EPHA3: variants seen among roughly 807,000 people sequenced by gnomAD.
EPHA3 encodes EPH receptor A3, also known as ephrin type-A receptor 3.
In EPHA3, 42 loss-of-function variants were observed where a neutral mutation model predicts 107.1. That is an observed-to-expected ratio of 0.39 (90% confidence interval 0.31 to 0.51). The LOEUF is 0.51. EPHA3 is among the 20% of genes least tolerant of loss of function. The pLI, the probability that EPHA3 is intolerant of heterozygous loss-of-function variation, is 0.78. For synonymous variants in EPHA3, 461 were observed against 424.8 expected (o/e 1.09, Z -1.05); for missense variants, 1,183 against 1,211.2 (o/e 0.98, Z 0.35).
At chr3:89,370,664 TA>T (rs895235805) in intron 5 of EPHA3, among the ~76,000 whole-genome samples, 1 of 149,506 alleles carries the variant, frequency 6.7e-6, no homozygotes, top group Non-Finnish European at 1.5e-5. Flanking sequence ...TAATAATAAT[TA>T]AAAAAATAAC....
chr3:89,189,965 A>G (rs1473220186), intron 2 of EPHA3, among the ~76,000 whole-genome samples: 2 of 152,194 alleles, frequency 1.3e-5, no homozygotes, highest in African/African-American at 2.4e-5. Context: ...TGGAAGTATA[A>G]TTTCAACATG....
chr3:89,331,454 G>A (rs1234868915), intron 3 of EPHA3, among the ~76,000 whole-genome samples: 1 of 152,076 alleles, frequency 6.6e-6, no homozygotes, highest in Non-Finnish European at 1.5e-5. Context: ...AAAAATGTGT[G>A]AACATAGCAT....
intron 9 of EPHA3, among the ~76,000 whole-genome samples, chr3:89,412,696 C>A (rs1368821322): frequency 6.6e-6 from 1 of 151,678 alleles, no homozygotes; most frequent in Non-Finnish European, 1.5e-5. Flanking sequence ...ATTATCTCAC[C>A]TTATAATTGT....
At chr3:89,142,991 C>A (rs1476865650) in intron 2 of EPHA3, among the ~76,000 whole-genome samples, 1 of 150,882 alleles carries the variant, frequency 6.6e-6, no homozygotes, top group African/African-American at 2.4e-5. Context: ...AACCTTTTAG[C>A]TAATTATTAA....
At chr3:89,429,076 ATTATTAT>A in intron 11 of EPHA3, 23 bp from the exon 12 acceptor site, 2 of 1,458,306 alleles carry the variant, frequency 1.4e-6, no homozygotes, top group Non-Finnish European at 1.9e-6. Context: ...AACTGTACTG[ATTATTAT>A]TTATTATTTA....
intron 2 of EPHA3, among the ~76,000 whole-genome samples, chr3:89,137,888 A>G (rs1465470103): frequency 6.6e-6 from 1 of 152,022 alleles, no homozygotes; most frequent in African/African-American, 2.4e-5. Context: ...TTAAACTTGT[A>G]TACAGTAGTT....
At chr3:89,156,726 G>T (rs758078122) in intron 2 of EPHA3, among the ~76,000 whole-genome samples, 5 of 151,938 alleles carry the variant, frequency 3.3e-5, no homozygotes, top group Admixed American at 6.6e-5. Context: ...AAAGCTAAAA[G>T]ATGTTTTTAA....
At chr3:89,412,627 C>T (rs1314471235) in intron 9 of EPHA3, among the ~76,000 whole-genome samples, 3 of 151,558 alleles carry the variant, frequency 2.0e-5, no homozygotes, top group African/African-American at 7.3e-5. Flanking sequence ...TTAATATAAG[C>T]AGTACAGTGT....
At chr3:89,123,903 A>G (rs983142677) in intron 1 of EPHA3, among the ~76,000 whole-genome samples, 2 of 152,226 alleles carry the variant, frequency 1.3e-5, no homozygotes, top group South Asian at 2.1e-4. Flanking sequence ...TGGCAATCAC[A>G]TCATTAGAAT....
intron 5 of EPHA3, among the ~76,000 whole-genome samples, chr3:89,392,352 T>G (rs2107499988): frequency 6.6e-6 from 1 of 151,478 alleles, no homozygotes. Context: ...GGCAGTAGAG[T>G]CTCTTGAACC....
intron 2 of EPHA3, among the ~76,000 whole-genome samples, chr3:89,202,818 C>T (rs1234843489): frequency 6.6e-6 from 1 of 152,104 alleles, no homozygotes; most frequent in Non-Finnish European, 1.5e-5. Context: ...TTTCCCCACA[C>T]ACTGTTTGCA....
chr3:89,452,253 C>T (rs1354518193), intron 15 of EPHA3, among the ~76,000 whole-genome samples: 1 of 151,994 alleles, frequency 6.6e-6, no homozygotes, highest in African/African-American at 2.4e-5. Context: ...TATGGTGATT[C>T]TATTTTTAGT....
At chr3:89,369,300 A>T (rs906849138) in intron 5 of EPHA3, among the ~76,000 whole-genome samples, 1 of 150,692 alleles carries the variant, frequency 6.6e-6, no homozygotes, top group Non-Finnish European at 1.5e-5. Context: ...ACCAAAACAG[A>T]GATATAGATC....
At chr3:89,296,809 T>G (rs1416820739) in intron 3 of EPHA3, among the ~76,000 whole-genome samples, 2 of 152,192 alleles carry the variant, frequency 1.3e-5, no homozygotes, top group African/African-American at 4.8e-5. Context: ...ACATTGAAAA[T>G]TTCTTGTTAC....
At chr3:89,362,397 C>G (rs556286812) in intron 5 of EPHA3, among the ~76,000 whole-genome samples, 4 of 151,130 alleles carry the variant, frequency 2.6e-5, no homozygotes, top group South Asian at 4.2e-4. Context: ...TATTCCACCT[C>G]CATGTAAAGA....
intron 11 of EPHA3, among the ~76,000 whole-genome samples, chr3:89,428,576 CTGAAT>C (rs1709502126): frequency 6.6e-6 from 1 of 151,764 alleles, no homozygotes; most frequent in African/African-American, 2.4e-5. Context: ...AACTATTATT[CTGAAT>C]TGTTTTGTAG....
rs184794879 is a variant in EPHA3, at chr3:89,479,254, G to A, written c.2847-143G>A. 271 of 675,910 alleles carry A rather than the reference G, an allele frequency of 4.0e-4. No individual in the cohort carries two copies. The East Asian group carries it at 7.0e-3, about 17-fold the overall frequency. 41.9% of individuals were successfully genotyped at this position (675,910 alleles called of 1,614,324 possible). ...CTTCTACAAGATGGTGGAACGGTCCGGACATAACACAGATGATGCAAATAT... is the reference window on the plus strand; with the variant it reads ...CTTCTACAAGATGGTGGAACGGTCCAGACATAACACAGATGATGCAAATAT... On this transcript the variant is annotated intron_variant, in intron 16 of 16. Transcript: ENST00000336596.
chr3:89,405,743 G>A (rs547542524), intron 7 of EPHA3, among the ~76,000 whole-genome samples: 2 of 152,194 alleles, frequency 1.3e-5, no homozygotes, highest in Admixed American at 6.5e-5. Context: ...GAGTCCTGAG[G>A]TATTCATGTA....
At chr3:89,170,229 C>G (rs1016222665) in intron 2 of EPHA3, among the ~76,000 whole-genome samples, 1 of 147,676 alleles carries the variant, frequency 6.8e-6, no homozygotes, top group Non-Finnish European at 1.5e-5. Flanking sequence ...GCACTTCAGC[C>G]TGGGCGACAG....
Sources: allele counts gnomAD v4.1 joint callset (sites outside exome capture counted in the v4.1 genomes callset), GRCh38; gene constraint gnomAD v4.1.1; transcripts MANE v1.5; gene names NCBI Gene and HGNC (gene_info 2026-07-23, HGNC 2026-07-21).